MGAT3: variants seen among roughly 807,000 people sequenced by gnomAD.
MGAT3 encodes GlcNAc-T III.
In MGAT3, 9 loss-of-function variants were observed where a neutral mutation model predicts 29.8. That is an observed-to-expected ratio of 0.30 (90% CI 0.18 to 0.53). The LOEUF (loss-of-function observed/expected upper bound fraction) is 0.53. Ranked by LOEUF, MGAT3 falls within the 20% of genes least tolerant of loss-of-function variation. The pLI, the probability that MGAT3 is intolerant of heterozygous loss-of-function variation, is 0.96. For missense variants in MGAT3, 557 were observed against 769.5 expected (o/e 0.72, Z 3.27); for synonymous variants, 397 against 348.9 (o/e 1.14, Z -1.54).
rs1231562034 is a variant in MGAT3 at position 39,488,649 on chromosome 22, C to T, written c.1302C>T (p.Ser434=). ...AGGGCATCTACTTCAAGCTCGTGTC[C>T]GCCCAGAATGGCGACTTCCCACGCT... ...TPEGIYFKLV[S]AQNGDFPRWG... Residue 434 remains serine, a synonymous_variant, in exon 2 of 2, where the codon TCC becomes TCT. Coordinates refer to ENST00000341184, the MANE Select transcript of MGAT3 (RefSeq NM_002409.5). 2 of 1,613,652 alleles carry T rather than the reference C, an allele frequency of 1.2e-6. No homozygotes were observed. The highest frequency in any genetic ancestry group is 1.7e-6 in the Non-Finnish European group (2 of 1,180,012).
intron 1 of MGAT3, among the ~76,000 whole-genome samples, chr22:39,482,301 T>G (rs890200879): frequency 2.0e-5 from 3 of 152,192 alleles, no homozygotes; most frequent in Admixed American, 6.5e-5. Context: ...GATGAAGCTT[T>G]GTAATGGAAG....
At chr22:39,481,604 T>C (rs1929129011) in intron 1 of MGAT3, among the ~76,000 whole-genome samples, 1 of 152,176 alleles carries the variant, frequency 6.6e-6, no homozygotes, top group Non-Finnish European at 1.5e-5. Context: ...ATGGATCAAA[T>C]GCCCCAGGGC....
At chr22:39,471,507 C>T (rs1334046885) in intron 1 of MGAT3, among the ~76,000 whole-genome samples, 1 of 152,112 alleles carries the variant, frequency 6.6e-6, no homozygotes, top group Non-Finnish European at 1.5e-5. Flanking sequence ...TTCCCACTGC[C>T]CTCACCCCAC....
In MGAT3 at chr22:39,470,714, C is replaced by T. The variant is rs11913906; in HGVS notation, c.-2+13157C>T. 7.9e-3 allele frequency among the ~76,000 whole-genome samples: 1,194 copies of T among 152,028 alleles called. 15 individuals are homozygous for T. Among genetic ancestry groups the T allele is most frequent in the African/African-American group, 0.028 (1,157 of 41,458 alleles). On this transcript the variant is annotated intron_variant, in intron 1 of 1. Coordinates refer to ENST00000341184, the MANE Select transcript of MGAT3 (RefSeq NM_002409.5). ...CCCTCTGCCGGGCATGTGGTGAGGCCGCACCCAGCTCAGAGGACTGGCCTG... is the reference window on the plus strand; with the variant it reads ...CCCTCTGCCGGGCATGTGGTGAGGCTGCACCCAGCTCAGAGGACTGGCCTG...
chr22:39,460,754 G>A (rs1018047652), intron 1 of MGAT3, among the ~76,000 whole-genome samples: 12 of 152,194 alleles, frequency 7.9e-5, no homozygotes, highest in Middle Eastern at 3.4e-3. Flanking sequence ...TTGAGATTGC[G>A]CCACTGCACT....
At chr22:39,479,635 GAAT>G (rs984135966) in intron 1 of MGAT3, among the ~76,000 whole-genome samples, 5 of 152,370 alleles carry the variant, frequency 3.3e-5, no homozygotes, top group African/African-American at 1.2e-4. Flanking sequence ...CCAGGCTGGG[GAAT>G]AATAATAGAA....
intron 1 of MGAT3, among the ~76,000 whole-genome samples, chr22:39,476,278 G>A (rs1314966814): frequency 6.6e-6 from 1 of 152,208 alleles, no homozygotes; most frequent in Non-Finnish European, 1.5e-5. Flanking sequence ...AGCTGAGCCA[G>A]CAGAGAGTGG....
intron 1 of MGAT3, among the ~76,000 whole-genome samples, chr22:39,470,291 G>A (rs11705233): frequency 2.2e-4 from 34 of 152,230 alleles, no homozygotes; most frequent in Non-Finnish European, 2.8e-4. Context: ...TCTGACGAGT[G>A]GCATCAGAGC....
chr22:39,485,119 G>A (rs532543153), intron 1 of MGAT3, among the ~76,000 whole-genome samples: 1 of 152,352 alleles, frequency 6.6e-6, no homozygotes, highest in South Asian at 2.1e-4. Context: ...CCAAAGGCAA[G>A]GTTTCTGTCT....
intron 1 of MGAT3, among the ~76,000 whole-genome samples, chr22:39,463,172 C>G (rs753213817): frequency 2.0e-5 from 3 of 152,242 alleles, no homozygotes; most frequent in Non-Finnish European, 4.4e-5. Context: ...TTCCTATGTG[C>G]TGGGCCCAGG....
chr22:39,465,702 G>A (rs532945303), intron 1 of MGAT3, among the ~76,000 whole-genome samples: 1 of 152,004 alleles, frequency 6.6e-6, no homozygotes, highest in Non-Finnish European at 1.5e-5. Flanking sequence ...GAGGCCGAGG[G>A]GGGTGGATCA....
intron 1 of MGAT3, among the ~76,000 whole-genome samples, chr22:39,473,808 G>C (rs1251038241): frequency 5.9e-5 from 9 of 151,806 alleles, no homozygotes; most frequent in African/African-American, 2.2e-4. Context: ...TAATGGGGGT[G>C]GGGGGATGGA....
chr22:39,467,395 G>C (rs1010942047), intron 1 of MGAT3, among the ~76,000 whole-genome samples: 19 of 152,180 alleles, frequency 1.2e-4, no homozygotes, highest in Non-Finnish European at 4.4e-5. Flanking sequence ...CTGCGGCCCT[G>C]GGGGCATCCC....
chr22:39,487,867 C>T lies in MGAT3; in HGVS notation c.520C>T (p.Leu174=). 2 of 1,557,314 alleles carry T rather than the reference C, an allele frequency of 1.3e-6. No homozygotes were observed. Among genetic ancestry groups the T allele is most frequent in the Non-Finnish European group, 8.7e-7 (1 of 1,153,324 alleles). The part of the protein sequence containing the change: ...ARRKWVECVC[L]PGWHGPSCGV... ...GCGCAAGTGGGTGGAGTGCGTGTGC[C>T]TGCCCGGCTGGCACGGACCCAGCTG... Residue 174 remains leucine, a synonymous_variant, in exon 2 of 2, where the codon CTG becomes TTG. Coordinates refer to ENST00000341184, the MANE Select transcript of MGAT3 (RefSeq NM_002409.5). This position sits in a 1 kb window ranked among gnomAD's most constrained non-coding sequence, Gnocchi z 5.7.
chr22:39,470,234 G>C (rs1778555410), intron 1 of MGAT3, among the ~76,000 whole-genome samples: 1 of 152,226 alleles, frequency 6.6e-6, no homozygotes, highest in Admixed American at 6.5e-5. Context: ...TGGAGAGAGG[G>C]CTTGCGGGCG....
chr22:39,457,346 G>C lies in MGAT3; in HGVS notation c.-213G>C, dbSNP rs1436061085. ...AGCGGCCGCGCCGGGTCCCCGGGAC[G>C]GGGTGGAAGTGGGGGTGGGGGGAGG... On this transcript the variant is annotated 5_prime_UTR_variant, in exon 1 of 2. Coordinates refer to ENST00000341184, the MANE Select transcript of MGAT3 (RefSeq NM_002409.5). This position sits in a 1 kb window ranked among gnomAD's most constrained non-coding sequence, Gnocchi z 6.8. The C allele has an allele frequency of 9.6e-5, 14 of 145,426 alleles. No individual in the cohort carries two copies. The highest frequency in any genetic ancestry group is 2.7e-4 in the Admixed American group (4 of 14,694). The allele number at this position is 145,426 out of a possible 1,614,324, so 9.0% of individuals were successfully genotyped here.
intron 1 of MGAT3, among the ~76,000 whole-genome samples, chr22:39,465,251 CAG>C (rs920420435): frequency 1.4e-4 from 22 of 152,348 alleles, no homozygotes; most frequent in African/African-American, 2.9e-4. Flanking sequence ...TCACACCACA[CAG>C]GGGATCCTCA....
chr22:39,485,840 G>C (rs1266622755), intron 1 of MGAT3, among the ~76,000 whole-genome samples: 1 of 152,136 alleles, frequency 6.6e-6, no homozygotes, highest in Non-Finnish European at 1.5e-5. Flanking sequence ...ATTGGAGAAT[G>C]AGAATATACA....
At chr22:39,478,175 C>T (rs1402681670) in intron 1 of MGAT3, among the ~76,000 whole-genome samples, 1 of 152,262 alleles carries the variant, frequency 6.6e-6, no homozygotes, top group East Asian at 1.9e-4. Flanking sequence ...TACAGTTGAA[C>T]TAACTCCTGG....
Sources: gnomAD v4.1 joint callset for allele counts (sites outside exome capture counted in the v4.1 genomes callset) on GRCh38, gnomAD v4.1.1 for gene constraint, Gnocchi (gnomAD v3.1) non-coding constraint, MANE v1.5 for transcripts, NCBI Gene and HGNC (gene_info 2026-07-23, HGNC 2026-07-21) for gene names.